The following EPHA6 variants were observed in gnomAD, a reference collection of about 807,000 sequenced individuals.
EPHA6 encodes EPH receptor A6.
A neutral mutation model predicts 112.0 loss-of-function variants in EPHA6; 50 were observed. The ratio of observed to expected loss-of-function variants is 0.45; its 90% CI spans 0.36 to 0.56. The LOEUF is 0.56. Among genes scored for constraint, EPHA6 ranks in the 20% least tolerant of loss-of-function variants. The pLI is 0.00. For synonymous variants in EPHA6, 529 were observed against 490.7 expected, an observed-to-expected ratio of 1.08 and a Z score of -1.03; for missense variants, 1,280 against 1,417.4, an observed-to-expected ratio of 0.90 and a Z score of 1.56.
At chr3:96,970,262 C>CAA in intron 2 of EPHA6, among the ~76,000 whole-genome samples, 1 of 145,776 alleles carries the variant, frequency 6.9e-6, no homozygotes, top group African/African-American at 2.7e-5. Context: ...CACACACACA[C>CAA]ACACAAACAC....
chr3:96,964,451 T>G (rs1439167539), intron 2 of EPHA6, among the ~76,000 whole-genome samples: 1 of 152,232 alleles, frequency 6.6e-6, no homozygotes, highest in Admixed American at 6.5e-5. Context: ...TTGTATGTAT[T>G]ATTAAACAAT....
At chr3:97,020,503 A>G (rs2044418773) in intron 3 of EPHA6, among the ~76,000 whole-genome samples, 1 of 152,206 alleles carries the variant, frequency 6.6e-6, no homozygotes, top group African/African-American at 2.4e-5. Context: ...TGAAGAGTCA[A>G]GAAAATGCAG....
At chr3:97,426,483 G>T (rs993555361) in intron 6 of EPHA6, among the ~76,000 whole-genome samples, 1 of 152,140 alleles carries the variant, frequency 6.6e-6, no homozygotes, top group Non-Finnish European at 1.5e-5. Context: ...ACTATTCAAG[G>T]TGAGGTTTGG....
chr3:97,477,380 C>T (rs553329964), intron 8 of EPHA6, among the ~76,000 whole-genome samples: 2 of 134,356 alleles, frequency 1.5e-5, no homozygotes, highest in South Asian at 2.4e-4. Context: ...TGGACTCTGG[C>T]AAAGAGAGGG....
intron 5 of EPHA6, among the ~76,000 whole-genome samples, chr3:97,297,044 C>A (rs774994860): frequency 1.4e-4 from 22 of 152,168 alleles, no homozygotes; most frequent in Admixed American, 3.3e-4. Flanking sequence ...TCAGCATGAA[C>A]TCTCTCTTTG....
At chr3:97,314,468 A>T (rs2081713818) in intron 5 of EPHA6, among the ~76,000 whole-genome samples, 1 of 151,620 alleles carries the variant, frequency 6.6e-6, no homozygotes. Flanking sequence ...ACTAGAAACC[A>T]TTCTAAGGAT....
At chr3:97,222,301 A>G (rs533163111) in intron 3 of EPHA6, among the ~76,000 whole-genome samples, 2 of 152,294 alleles carry the variant, frequency 1.3e-5, no homozygotes, top group African/African-American at 4.8e-5. Context: ...TTATTTTTAA[A>G]TGAAATATTA....
At position 97,304,123 on chromosome 3, in the gene EPHA6, C is replaced by T. The variant is rs188983994; in HGVS notation, c.1606+59836C>T. Among the ~76,000 whole-genome samples, 391 of 152,076 alleles carry T rather than the reference C, an allele frequency of 2.6e-3. 4 individuals carry two copies. Among genetic ancestry groups the T allele is most frequent in the African/African-American group, 8.9e-3 (371 of 41,510 alleles). ...CTGAGACTTTGCTGAAGTTTCTTAT[C>T]AGCTTAAGGAGCTTTTGGGCTGAGA... On this transcript the variant is annotated intron_variant, in intron 5 of 17. Coordinates refer to ENST00000389672, the MANE Select transcript of EPHA6 (RefSeq NM_001080448.3).
At chr3:96,999,269 T>C (rs2043540767) in intron 3 of EPHA6, among the ~76,000 whole-genome samples, 1 of 151,954 alleles carries the variant, frequency 6.6e-6, no homozygotes, top group Admixed American at 6.6e-5. Context: ...CCCAGTTCCC[T>C]AGGCTTTAAA....
intron 10 of EPHA6, among the ~76,000 whole-genome samples, chr3:97,531,442 T>C (rs549724858): frequency 4.6e-5 from 7 of 152,134 alleles, no homozygotes; most frequent in African/African-American, 1.7e-4. Context: ...CCCTTACTCC[T>C]TTTATGCACA....
chr3:97,641,401 A>C (rs2094002441), intron 14 of EPHA6, among the ~76,000 whole-genome samples: 1 of 152,216 alleles, frequency 6.6e-6, no homozygotes, highest in South Asian at 2.1e-4. Flanking sequence ...AATACAGAGG[A>C]AGAATGGTCA....
chr3:97,375,791 C>A (rs115926870), intron 5 of EPHA6, among the ~76,000 whole-genome samples: 2,365 of 152,070 alleles, frequency 0.016, 56 homozygotes, highest in African/African-American at 0.052. Flanking sequence ...TGGATGAATA[C>A]CAGTTTATTA....
intron 11 of EPHA6, among the ~76,000 whole-genome samples, chr3:97,581,496 A>G (rs2093437289): frequency 6.6e-6 from 1 of 152,238 alleles, no homozygotes; most frequent in Admixed American, 6.5e-5. Flanking sequence ...TTATTGTAAG[A>G]TACATGAAAA....
intron 2 of EPHA6, among the ~76,000 whole-genome samples, chr3:96,867,098 C>A (rs923927919): frequency 3.3e-5 from 5 of 151,714 alleles, no homozygotes; most frequent in Non-Finnish European, 5.9e-5. Flanking sequence ...AGTAATTATT[C>A]TTTAATACTG....
intron 5 of EPHA6, among the ~76,000 whole-genome samples, chr3:97,354,105 G>A (rs145475223): frequency 6.6e-6 from 1 of 152,284 alleles, no homozygotes; most frequent in African/African-American, 2.4e-5. Flanking sequence ...TACAATTGCA[G>A]TAACCAAAGA....
At chr3:97,646,167 G>A (rs2094060314) in intron 14 of EPHA6, 2 of 1,535,446 alleles carry the variant, frequency 1.3e-6, no homozygotes, top group Admixed American at 2.0e-5. Flanking sequence ...TAAAGAAGAT[G>A]GTCTGGAAAG....
intron 5 of EPHA6, among the ~76,000 whole-genome samples, chr3:97,254,609 T>C (rs946208490): frequency 9.2e-5 from 14 of 152,242 alleles, no homozygotes; most frequent in African/African-American, 3.4e-4. Context: ...TTTACACTTA[T>C]AAGGTGATGG....
intron 6 of EPHA6, among the ~76,000 whole-genome samples, chr3:97,426,597 T>C (rs542688972): frequency 6.0e-4 from 92 of 152,268 alleles, no homozygotes; most frequent in South Asian, 4.1e-3. Flanking sequence ...ATAACATTCC[T>C]AGAAGAAAAC....
chr3:97,410,705 G>A (rs1165490135), intron 6 of EPHA6, among the ~76,000 whole-genome samples: 17 of 152,068 alleles, frequency 1.1e-4, no homozygotes, highest in Admixed American at 1.1e-3. Context: ...AATGAGTAGT[G>A]TTAGTGGTGG....
Sources: allele counts gnomAD v4.1 joint callset (sites outside exome capture counted in the v4.1 genomes callset), GRCh38; gene constraint gnomAD v4.1.1; transcripts MANE v1.5; gene names NCBI Gene and HGNC (gene_info 2026-07-23, HGNC 2026-07-21).